Variants in LIMD1 observed in about 807,000 individuals in gnomAD.
LIMD1 encodes the protein LIM domain-containing protein 1.
Under a neutral mutation model 58.4 loss-of-function variants are expected in LIMD1, and 23 were observed. That is an observed-to-expected ratio of 0.39 (90% CI 0.28 to 0.56). The LOEUF (loss-of-function observed/expected upper bound fraction) is 0.56. Ranked by LOEUF, LIMD1 falls within the 20% of genes least tolerant of loss-of-function variation. LIMD1 has a pLI of 0.57. For synonymous variants in LIMD1, 334 were observed against 345.5 expected (o/e 0.97, Z 0.37); for missense variants, 838 against 855.5 (o/e 0.98, Z 0.25).
intron 1 of LIMD1, among the ~76,000 whole-genome samples, chr3:45,634,441 C>T (rs914423192): frequency 3.3e-5 from 5 of 152,314 alleles, no homozygotes; most frequent in Middle Eastern, 3.4e-3. Context: ...TTCACAGAGC[C>T]CATGTGAGAT....
intron 6 of LIMD1, 116 bp downstream of exon 6, chr3:45,673,621 T>G: frequency 2.1e-6 from 2 of 946,490 alleles, no homozygotes; most frequent in Non-Finnish European, 1.7e-6. Flanking sequence ...CTTTTAAAAA[T>G]CTCAACTCTG....
At chr3:45,614,979 T>C (rs922861243) in intron 1 of LIMD1, among the ~76,000 whole-genome samples, 3 of 152,120 alleles carry the variant, frequency 2.0e-5, no homozygotes, top group East Asian at 1.9e-4. Context: ...TTGGGGACTT[T>C]AGTGAAAGTT....
intron 3 of LIMD1, among the ~76,000 whole-genome samples, chr3:45,667,288 C>T (rs1374569186): frequency 6.6e-6 from 1 of 152,194 alleles, no homozygotes; most frequent in African/African-American, 2.4e-5. Context: ...CCAGATCTGT[C>T]AATGCCCTGC....
intron 1 of LIMD1, among the ~76,000 whole-genome samples, chr3:45,608,839 CAA>C (rs60750700): frequency 6.4e-4 from 66 of 102,946 alleles, no homozygotes; most frequent in Non-Finnish European, 8.1e-4. Flanking sequence ...GACTCGGTAT[CAA>C]AAAAAAAAAA....
intron 1 of LIMD1, among the ~76,000 whole-genome samples, chr3:45,599,685 A>G (rs1035155629): frequency 6.6e-6 from 1 of 152,176 alleles, no homozygotes; most frequent in Non-Finnish European, 1.5e-5. Context: ...GCCCTCACTG[A>G]TGGGCCTTTG....
chr3:45,676,799 T>C (rs540707301), intron 7 of LIMD1, 123 bp from the exon 8 acceptor site: 70 of 919,142 alleles, frequency 7.6e-5, no homozygotes, highest in African/African-American at 3.4e-4. Context: ...GTTTCTGCAC[T>C]GGCATTTCCT....
intron 1 of LIMD1, among the ~76,000 whole-genome samples, chr3:45,626,421 G>C (rs567799890): frequency 1.3e-5 from 2 of 152,274 alleles, no homozygotes; most frequent in East Asian, 3.9e-4. Flanking sequence ...ATGAGCTATT[G>C]AGCCATGAAA....
chr3:45,664,129 C>T (rs1697481426), intron 2 of LIMD1, among the ~76,000 whole-genome samples: 1 of 152,092 alleles, frequency 6.6e-6, no homozygotes, highest in African/African-American at 2.4e-5. Context: ...CCTCAGCCTC[C>T]CAAAGTGCTG....
At chr3:45,646,691 C>CTTT (rs565278104) in intron 2 of LIMD1, among the ~76,000 whole-genome samples, 21 of 135,498 alleles carry the variant, frequency 1.5e-4, no homozygotes, top group African/African-American at 3.5e-4. Flanking sequence ...GTTCCTAAAT[C>CTTT]TTTTTTTTTT....
chr3:45,632,139 A>G (rs961302688), intron 1 of LIMD1, among the ~76,000 whole-genome samples: 1 of 152,188 alleles, frequency 6.6e-6, no homozygotes, highest in Non-Finnish European at 1.5e-5. Flanking sequence ...CTGCTTTAAC[A>G]TTACATGTAG....
intron 2 of LIMD1, among the ~76,000 whole-genome samples, chr3:45,662,817 C>G (rs1019018816): frequency 3.3e-5 from 5 of 152,010 alleles, no homozygotes; most frequent in Non-Finnish European, 5.9e-5. Flanking sequence ...GCCACCATCT[C>G]TACTAAAAAT....
intron 4 of LIMD1, among the ~76,000 whole-genome samples, chr3:45,670,535 T>C (rs1697575868): frequency 6.6e-6 from 1 of 152,196 alleles, no homozygotes; most frequent in African/African-American, 2.4e-5. Context: ...AGATGACCTC[T>C]CACCCTCCAG....
At chr3:45,676,827 C>T in intron 7 of LIMD1, 95 bp from the exon 8 acceptor site, 9 of 1,225,992 alleles carry the variant, frequency 7.3e-6, no homozygotes, top group Non-Finnish European at 8.3e-6. Flanking sequence ...CAGAAACACA[C>T]AGCACCCTCT....
intron 2 of LIMD1, among the ~76,000 whole-genome samples, chr3:45,660,155 G>C (rs1391496045): frequency 6.6e-6 from 1 of 152,176 alleles, no homozygotes; most frequent in Non-Finnish European, 1.5e-5. Context: ...TCCATACATT[G>C]GATCAGAAGC....
intron 1 of LIMD1, among the ~76,000 whole-genome samples, chr3:45,627,611 C>T (rs35749363): frequency 6.7e-6 from 1 of 149,488 alleles, no homozygotes; most frequent in African/African-American, 2.5e-5. Flanking sequence ...GTCAACATAG[C>T]GAGAACCCGT....
intron 1 of LIMD1, among the ~76,000 whole-genome samples, chr3:45,614,183 G>T (rs1030905745): frequency 7.2e-5 from 11 of 152,022 alleles, no homozygotes; most frequent in African/African-American, 2.7e-4. Flanking sequence ...TTAAGAGTTT[G>T]ATTTAAAAAA....
In LIMD1 at chr3:45,594,800, C is replaced by CACACACACACACACACACACGGCACCTGG. The variant is rs1701317975; in HGVS notation, c.-60_-59insGGCACCTGGACACACACACACACACACAC. The CACACACACACACACACACACGGCACCTGG allele has an allele frequency of 3.9e-5, 6 of 154,256 alleles. No individual in the cohort carries two copies. The highest frequency in any genetic ancestry group is 1.6e-4 in the African/African-American group (4 of 25,180). 9.6% of individuals were successfully genotyped at this position (154,256 alleles called of 1,614,324 possible). ...CTCAACACACACACACACACACACA[C>CACACACACACACACACACACGGCACCTGG]ACACACACACACACACACACACACA... On this transcript the variant is annotated 5_prime_UTR_variant, in exon 1 of 8. Coordinates refer to ENST00000273317, the MANE Select transcript of LIMD1 (RefSeq NM_014240.3).
Position 45,595,927 on chromosome 3 carries a change from CCGT to C in LIMD1, c.1050_1052del (p.Ser353del). ...CAAATCTTACCTTTCCAGTTCTGCCCCGTCATCCTCGCCAGCTGGTCTGGACGG... is the reference window on the plus strand; with the variant it reads ...CAAATCTTACCTTTCCAGTTCTGCCCCATCCTCGCCAGCTGGTCTGGACGG... On this transcript the variant is annotated inframe_deletion, in exon 1 of 8. Coordinates refer to ENST00000273317, the MANE Select transcript of LIMD1 (RefSeq NM_014240.3). 6.2e-7 allele frequency: 1 copy of C among 1,614,238 alleles called. No individual in the cohort carries two copies. Among genetic ancestry groups the C allele is most frequent in the Non-Finnish European group, 8.5e-7 (1 of 1,180,036 alleles).
chr3:45,647,456 G>C (rs1377504990), intron 2 of LIMD1, among the ~76,000 whole-genome samples: 1 of 152,204 alleles, frequency 6.6e-6, no homozygotes, highest in Non-Finnish European at 1.5e-5. Flanking sequence ...GGTCAGCCTG[G>C]GGGTCCGGCA....
Sources: allele counts gnomAD v4.1 joint callset (sites outside exome capture counted in the v4.1 genomes callset), GRCh38; gene constraint gnomAD v4.1.1; transcripts MANE v1.5; gene names NCBI Gene and HGNC (gene_info 2026-07-23, HGNC 2026-07-21).